Variants in PHKA1 observed in about 807,000 individuals in gnomAD.
The protein encoded by PHKA1 is phosphorylase kinase regulatory subunit alpha 1.
In PHKA1, 60 loss-of-function variants were observed where a neutral mutation model predicts 110.2. The ratio of observed to expected loss-of-function variants is 0.54; its 90% CI spans 0.44 to 0.68. PHKA1 has a LOEUF of 0.68. Among genes scored for constraint, PHKA1 ranks in the 30% least tolerant of loss-of-function variants. PHKA1 has a pLI of 0.00. For synonymous variants in PHKA1, 316 were observed against 333.6 expected, an observed-to-expected ratio of 0.95 and a Z score of 0.58; for missense variants, 801 against 942.5, an observed-to-expected ratio of 0.85 and a Z score of 1.97.
At chrX:72,590,165 C>T (rs2052497268) in intron 29 of PHKA1, among the ~76,000 whole-genome samples, 1 of 111,756 alleles carries the variant, frequency 8.9e-6, no homozygotes, top group Non-Finnish European at 1.9e-5. Context: ...CGCTACCTGA[C>T]ATCAAACTAT....
intron 25 of PHKA1, 138 bp from the exon 26 acceptor site, chrX:72,603,358 G>C (rs781860936): frequency 1.7e-5 from 8 of 473,557 alleles, no homozygotes; most frequent in Non-Finnish European, 3.0e-5. Context: ...TAAATTGATA[G>C]CACCCTACTG....
chrX:72,584,164 G>T, intron 30 of PHKA1, 85 bp downstream of exon 30: 1 of 770,754 alleles, frequency 1.3e-6, no homozygotes, highest in Non-Finnish European at 2.0e-6. Flanking sequence ...GCATGGATCT[G>T]TCACTTTGAA....
chrX:72,636,499 A>T, intron 14 of PHKA1, 113 bp from the exon 15 acceptor site: 1 of 508,398 alleles, frequency 2.0e-6, no homozygotes, highest in East Asian at 3.7e-5. Flanking sequence ...ATATACATAT[A>T]GACACACACA....
At chrX:72,643,193 T>C (rs192780948) in intron 14 of PHKA1, among the ~76,000 whole-genome samples, 47 of 110,848 alleles carry the variant, frequency 4.2e-4, no homozygotes, top group African/African-American at 1.4e-3. Flanking sequence ...AATACTTGCC[T>C]TAACTGTAAT....
chrX:72,617,283 C>T (rs1244214289), intron 21 of PHKA1, among the ~76,000 whole-genome samples: 1 of 110,365 alleles, frequency 9.1e-6, no homozygotes, highest in Non-Finnish European at 1.9e-5. Flanking sequence ...GAAAGAATAC[C>T]CAAATAAATA....
intron 14 of PHKA1, among the ~76,000 whole-genome samples, chrX:72,638,285 G>T (rs782014389): frequency 9.4e-6 from 1 of 106,547 alleles, no homozygotes; most frequent in African/African-American, 3.4e-5. Flanking sequence ...GTGATGGTGT[G>T]TGCCTGTTGT....
intron 4 of PHKA1, among the ~76,000 whole-genome samples, chrX:72,690,338 T>C (rs1319143856): frequency 9.0e-6 from 1 of 111,509 alleles, no homozygotes; most frequent in Non-Finnish European, 1.9e-5. Flanking sequence ...ATGTATTGAA[T>C]TGTGTCCTCC....
At chrX:72,713,051 C>CT in intron 1 of PHKA1, 114 bp from the exon 2 acceptor site, 1 of 772,707 alleles carries the variant, frequency 1.3e-6, no homozygotes. Context: ...CTTCTCCACT[C>CT]TTGAGTTTTA....
chrX:72,603,964 G>A (rs1339003936), intron 25 of PHKA1, among the ~76,000 whole-genome samples: 1 of 110,895 alleles, frequency 9.0e-6, no homozygotes, highest in Non-Finnish European at 1.9e-5. Context: ...AGAAGATAAA[G>A]GCCAGACTGT....
rs782518160 is a variant in PHKA1, at chrX:72,596,912, G to T, written c.3073-3638C>A. Among the ~76,000 whole-genome samples the T allele has an allele frequency of 1.7e-4, 19 of 112,284 alleles. No individual in the cohort carries two copies. In the South Asian group the frequency reaches 7.0e-3, roughly 42 times the overall value. ...AACTGTGTCATATTGGTATAGGATG[G>T]ACATATAGATCGATGGAATAGAACA... On this transcript the variant is annotated intron_variant, in intron 28 of 31. Coordinates refer to ENST00000373542, the MANE Select transcript of PHKA1 (RefSeq NM_002637.4).
chrX:72,643,712 G>A (rs2053325319), intron 14 of PHKA1, among the ~76,000 whole-genome samples: 1 of 111,521 alleles, frequency 9.0e-6, no homozygotes, highest in African/African-American at 3.3e-5. Context: ...GACCACCTGG[G>A]TAATCCAGGA....
chrX:72,619,537 C>A (rs782424826), intron 19 of PHKA1, among the ~76,000 whole-genome samples: 20 of 112,073 alleles, frequency 1.8e-4, no homozygotes, highest in African/African-American at 6.5e-4. Context: ...ATAGCACTAG[C>A]TGGACATGTA....
Position 72,605,568 on chromosome X carries a change from C to A in PHKA1, c.2658G>T (p.Gly886=). 1 of 1,207,744 alleles carries A rather than the reference C, an allele frequency of 8.3e-7. No homozygotes were observed. Among genetic ancestry groups the A allele is most frequent in the Non-Finnish European group, 1.1e-6 (1 of 891,892 alleles). The change falls in exon 24 of 32, where the codon GGG becomes GGT. Residue 886 remains glycine, a synonymous_variant. Transcript: ENST00000373542. ...GTGTAAGGATTGAAATGCTCATATC[C>A]CCTTCACTGGCTTCATCTATCAGCT... ...LTQLIDEASE[G]DMSISILTQE...
Position 72,622,238 on chromosome X carries a change from G to A in PHKA1, c.1960+871C>T, listed in dbSNP as rs1011876085. On this transcript the variant is annotated intron_variant, in intron 18 of 31. Coordinates refer to ENST00000373542, the MANE Select transcript of PHKA1 (RefSeq NM_002637.4). The stretch of plus-strand genomic sequence containing the variant: ...GAAAATAGTCCTTCTGACTGCTAAT[G>A]TGTTGTCCTATTGTATGAGATTGTG... 24 of 752,444 alleles carry A rather than the reference G, an allele frequency of 3.2e-5. No individual in the cohort carries two copies. In the Middle Eastern group the frequency reaches 3.0e-3, roughly 95 times the overall value. 62.0% of individuals were successfully genotyped at this position (752,444 alleles called of 1,213,427 possible).
intron 23 of PHKA1, among the ~76,000 whole-genome samples, chrX:72,608,334 C>A (rs782441943): frequency 9.0e-6 from 1 of 111,266 alleles, no homozygotes; most frequent in Non-Finnish European, 1.9e-5. Context: ...ACTATTTCCT[C>A]TCCTCTCCTC....
At position 72,619,283 on chromosome X, in the gene PHKA1, C is replaced by T. The variant is rs368071005; in HGVS notation, c.2160G>A (p.Thr720=). Residue 720 remains threonine, a synonymous_variant, in exon 20 of 32, where the codon ACG becomes ACA. Transcript: ENST00000373542. ...AAGGCCGGGAAGCCTGAAATAACTT[C>T]GTAGGAAGATACATGTGAACATCTG... ...HVQNVHMYLP[T]KLFQASRPSF... 5.4e-5 allele frequency: 64 copies of T among 1,176,992 alleles called. No homozygotes were observed. The highest frequency in any genetic ancestry group is 3.5e-4 in the Admixed American group (16 of 45,606).
In PHKA1 at chrX:72,707,090, A is replaced by G. The variant is rs192455896; in HGVS notation, c.238-1845T>C. ...TACCAAGTGACTCTCCCTCTTGCCT[A>G]TTCTTTTTGACGACATAAATCAATA... On this transcript the variant is annotated intron_variant, in intron 2 of 31. Coordinates refer to ENST00000373542, the MANE Select transcript of PHKA1 (RefSeq NM_002637.4). Among the ~76,000 whole-genome samples the G allele has an allele frequency of 1.1e-4, 12 of 111,499 alleles. No individual in the cohort carries two copies. In the East Asian group the frequency reaches 2.8e-3, roughly 26 times the overall value.
chrX:72,599,793 T>C, intron 28 of PHKA1: 1 of 539,208 alleles, frequency 1.9e-6, no homozygotes, highest in Non-Finnish European at 3.4e-6. Context: ...GAATGGCATA[T>C]ACGAGAAGAT....
intron 1 of PHKA1, 85 bp downstream of exon 1, chrX:72,713,718 G>T: frequency 2.9e-6 from 2 of 700,210 alleles, no homozygotes; most frequent in Non-Finnish European, 4.5e-6. Flanking sequence ...ACGCACGCAC[G>T]CACGGAGTTC....
Sources: gnomAD v4.1 joint callset for allele counts (sites outside exome capture counted in the v4.1 genomes callset) on GRCh38, gnomAD v4.1.1 for gene constraint, MANE v1.5 for transcripts, NCBI Gene and HGNC (gene_info 2026-07-23, HGNC 2026-07-21) for gene names.